CCND3: variants seen among roughly 807,000 people sequenced by gnomAD.
The protein encoded by CCND3 is cyclin D3.
CCND3 carries 9 observed loss-of-function variants against 28.7 expected under a neutral mutation model. The observed-to-expected ratio is 0.31, with a 90% CI of 0.19 to 0.55. The LOEUF (loss-of-function observed/expected upper bound fraction) is 0.55. Ranked by LOEUF, CCND3 falls within the 20% of genes least tolerant of loss-of-function variation. The probability of loss-of-function intolerance (pLI) is 0.93; values close to 1 mark genes in which losing one functional copy is unlikely to be tolerated. For synonymous variants in CCND3, 164 were observed against 163.9 expected (o/e 1.00, Z 0.00); for missense variants, 315 against 385.8 (o/e 0.82, Z 1.54).
Position 41,940,400 on chromosome 6 carries a change from G to T in CCND3, c.384C>A (p.Thr128=), listed in dbSNP as rs773488180. ...ACTGGCGGGGAGAGACAGCGTGGTC[G>T]GTGTAGATGCACAGTTTTTCGATGG... is the stretch of plus-strand genomic sequence containing the variant. ...PLTIEKLCIY[T]DHAVSPRQLR... Residue 128 remains threonine, a synonymous_variant, in exon 2 of 5, where the codon ACC becomes ACA. Coordinates refer to ENST00000372991, the MANE Select transcript of CCND3 (RefSeq NM_001760.5). The T allele has an allele frequency of 1.9e-6, 3 of 1,614,028 alleles. No individual in the cohort carries two copies. In the East Asian group the frequency reaches 6.7e-5, roughly 36 times the overall value.
At chr6:42,049,375 G>C (rs924189792), upstream of CCND3, among the ~76,000 whole-genome samples, 1 of 152,196 alleles carries the variant, frequency 6.6e-6, no homozygotes, top group African/African-American at 2.4e-5. Context: ...CACTGTGACA[G>C]ACTCTTTCTG....
chr6:41,977,210 A>G (rs1278030047), intron 1 of CCND3, among the ~76,000 whole-genome samples: 4 of 152,166 alleles, frequency 2.6e-5, no homozygotes, highest in East Asian at 1.9e-4. Context: ...TCAAAGACCA[A>G]TAAAATTTCC....
Position 41,935,720 on chromosome 6 carries a change from G to A in CCND3, c.*220C>T. ...TTGGGAAAGGCGCTGCTGGTCAGAT[G>A]CAGGGAGGAGGAGCTTGACTAGCCA... On this transcript the variant is annotated 3_prime_UTR_variant, in exon 5 of 5. Transcript: ENST00000372991. 1 of 562,574 alleles carries A rather than the reference G, an allele frequency of 1.8e-6. No individual in the cohort carries two copies. The highest frequency in any genetic ancestry group is 3.2e-6 in the Non-Finnish European group (1 of 312,858). The allele number at this position is 562,574 out of a possible 1,614,324, so 34.8% of individuals were successfully genotyped here. A position where few individuals can be genotyped will look rare whatever the true frequency, so the allele number is the denominator to read the frequency against.
chr6:41,978,266 C>T (rs1307447386), intron 1 of CCND3, among the ~76,000 whole-genome samples: 1 of 149,634 alleles, frequency 6.7e-6, no homozygotes, highest in Non-Finnish European at 1.5e-5. Context: ...CCCAGCTACT[C>T]GGGAGGCTGA....
At chr6:42,047,843 TCCCAGCCAC>T (rs1329241920) in intron 1 of CCND3, among the ~76,000 whole-genome samples, 1 of 152,180 alleles carries the variant, frequency 6.6e-6, no homozygotes, top group Non-Finnish European at 1.5e-5. Flanking sequence ...TCTGAAGCCT[TCCCAGCCAC>T]CCCAGCCAGT....
intron 1 of CCND3, among the ~76,000 whole-genome samples, chr6:41,994,321 G>T (rs1762735595): frequency 6.6e-6 from 1 of 152,002 alleles, no homozygotes; most frequent in African/African-American, 2.4e-5. Flanking sequence ...TACACTCGAT[G>T]ATGTTCACAC....
chr6:41,970,951 TCTGTCACCAAGGCGGGAGTGCAGTGGCG>T (rs1209493987), intron 1 of CCND3, among the ~76,000 whole-genome samples: 4 of 151,880 alleles, frequency 2.6e-5, no homozygotes, highest in Non-Finnish European at 4.4e-5. Flanking sequence ...AGAGTCTTGC[TCTGTCACCAAGGCGGGAGTGCAGTGGCG>T]CGATCTTGAC....
rs1466088566 is a variant in CCND3 at position 41,969,945 on chromosome 6, G to A, written c.-45-29360C>T. Among the ~76,000 whole-genome samples the A allele has an allele frequency of 6.6e-5, 10 of 152,116 alleles. No individual in the cohort carries two copies. In the East Asian group the frequency reaches 1.7e-3, roughly 26 times the overall value. On this transcript the variant is annotated intron_variant, in intron 1 of 4. Coordinates refer to the CCND3 transcript ENST00000372988. ...TGGTGAGCTGGGCATGGTGGTGAAC[G>A]CCTGTAGTCCCAGCTACTTGGGCGG...
intron 1 of CCND3, among the ~76,000 whole-genome samples, chr6:41,988,543 T>C (rs1015567491): frequency 2.6e-5 from 4 of 152,118 alleles, no homozygotes; most frequent in African/African-American, 4.8e-5. Flanking sequence ...TTCACAATAC[T>C]GTTCCTAAAG....
At chr6:41,958,729 AG>A (rs1776498894) in intron 1 of CCND3, among the ~76,000 whole-genome samples, 1 of 152,174 alleles carries the variant, frequency 6.6e-6, no homozygotes, top group Non-Finnish European at 1.5e-5. Context: ...GTATCTAGGT[AG>A]GGTAAGAATA....
intron 1 of CCND3, among the ~76,000 whole-genome samples, chr6:42,005,547 A>C (rs1373227874): frequency 1.3e-5 from 2 of 149,080 alleles, no homozygotes; most frequent in African/African-American, 4.9e-5. Context: ...TCTCAAAAAA[A>C]AAAAAAAAAA....
chr6:41,967,211 G>A (rs926593446), intron 1 of CCND3, among the ~76,000 whole-genome samples: 5 of 152,158 alleles, frequency 3.3e-5, no homozygotes, highest in South Asian at 2.1e-4. Context: ...GGGGGAAGGC[G>A]GAGGAGTGTC....
upstream of CCND3, among the ~76,000 whole-genome samples, chr6:41,945,562 T>C (rs574871571): frequency 6.6e-6 from 1 of 152,086 alleles, no homozygotes; most frequent in East Asian, 1.9e-4. Context: ...AACAAGGTGA[T>C]GGGTGAGGCC....
At chr6:42,035,827 G>A (rs944147997) in intron 1 of CCND3, among the ~76,000 whole-genome samples, 8 of 150,602 alleles carry the variant, frequency 5.3e-5, no homozygotes, top group East Asian at 3.9e-4. Context: ...ACAGACACCC[G>A]CCACAACGCC....
At chr6:41,965,536 C>T (rs925863597) in intron 1 of CCND3, among the ~76,000 whole-genome samples, 3 of 152,068 alleles carry the variant, frequency 2.0e-5, no homozygotes, top group South Asian at 2.1e-4. Context: ...AGCTGTGCCC[C>T]GAAGTGGATG....
intron 1 of CCND3, among the ~76,000 whole-genome samples, chr6:41,976,972 A>G (rs1328262241): frequency 1.3e-5 from 2 of 152,144 alleles, no homozygotes; most frequent in Non-Finnish European, 2.9e-5. Context: ...GTGTATATGC[A>G]AAGAACCGTA....
chr6:41,964,486 A>ATG (rs57170949), intron 1 of CCND3, among the ~76,000 whole-genome samples: 34,358 of 102,940 alleles, frequency 0.33, 4,115 homozygotes, highest in Middle Eastern at 0.46. Flanking sequence ...GTGTGTGTGA[A>ATG]TGTGTGTGTG....
intron 1 of CCND3, among the ~76,000 whole-genome samples, chr6:42,027,397 G>A (rs569228589): frequency 6.7e-5 from 10 of 148,880 alleles, no homozygotes; most frequent in Admixed American, 2.0e-4. Context: ...CCGAGATCGC[G>A]CCACTGCACT....
intron 1 of CCND3, among the ~76,000 whole-genome samples, chr6:41,984,664 A>T (rs762197989): frequency 2.0e-5 from 3 of 152,090 alleles, no homozygotes; most frequent in Admixed American, 6.6e-5. Flanking sequence ...TGCTGTTTTT[A>T]AGTTTTCAAG....
Sources: allele counts gnomAD v4.1 joint callset (sites outside exome capture counted in the v4.1 genomes callset), GRCh38; gene constraint gnomAD v4.1.1; transcripts MANE v1.5; gene names NCBI Gene and HGNC (gene_info 2026-07-23, HGNC 2026-07-21).